MRC1: variants seen among roughly 807,000 people sequenced by gnomAD.
MRC1 encodes the protein mannose receptor C-type 1.
Under a neutral mutation model 102.9 loss-of-function variants are expected in MRC1, and 62 were observed. That is an observed-to-expected ratio of 0.60 (90% CI 0.49 to 0.74). The LOEUF is 0.74. Among genes scored for constraint, MRC1 ranks in the 30% least tolerant of loss-of-function variants. The probability of loss-of-function intolerance (pLI) is 0.00; values close to 1 mark genes in which losing one functional copy is unlikely to be tolerated. For synonymous variants in MRC1, 457 were observed against 298.4 expected (o/e 1.53, Z -5.48); for missense variants, 1,237 against 862.8 (o/e 1.43, Z -5.43).
intron 6 of MRC1, among the ~76,000 whole-genome samples, chr10:17,847,698 C>A (rs1838846203): frequency 6.6e-6 from 1 of 152,250 alleles, no homozygotes; most frequent in Non-Finnish European, 1.5e-5. Flanking sequence ...AGCACATGAG[C>A]TGTGGCTAGA....
At chr10:17,832,869 G>A (rs1266653068) in intron 3 of MRC1, among the ~76,000 whole-genome samples, 5 of 152,120 alleles carry the variant, frequency 3.3e-5, no homozygotes, top group South Asian at 4.1e-4. Context: ...GATTACAGGC[G>A]TGAGCCGCTG....
chr10:17,870,693 A>G (rs1833342799), intron 13 of MRC1, among the ~76,000 whole-genome samples, 155 bp from the exon 14 acceptor site: 1 of 152,206 alleles, frequency 6.6e-6, no homozygotes, highest in East Asian at 1.9e-4. Context: ...ATGCACATCT[A>G]TTGCATAAGT....
chr10:17,897,130 T>C (rs1833766176), intron 23 of MRC1, among the ~76,000 whole-genome samples: 2 of 152,242 alleles, frequency 1.3e-5, no homozygotes, highest in Admixed American at 6.5e-5. Flanking sequence ...TATTCTTCTT[T>C]GATTCTTCTC....
chr10:17,841,313 G>A (rs2130626602), intron 5 of MRC1, among the ~76,000 whole-genome samples: 1 of 152,262 alleles, frequency 6.6e-6, no homozygotes, highest in East Asian at 1.9e-4. Context: ...TTGCAATATT[G>A]CTGTCCTTGT....
chr10:17,901,664 G>A (rs1428718263), intron 25 of MRC1, among the ~76,000 whole-genome samples: 3 of 151,892 alleles, frequency 2.0e-5, no homozygotes, highest in Non-Finnish European at 4.4e-5. Flanking sequence ...ACTCCAGCCT[G>A]GGGGACAGGA....
chr10:17,875,339 G>C, intron 17 of MRC1, 86 bp downstream of exon 17: 1 of 754,500 alleles, frequency 1.3e-6, no homozygotes, highest in Non-Finnish European at 2.4e-6. Context: ...CTTTAGTGGT[G>C]ATTTCTGAGA....
intron 1 of MRC1, among the ~76,000 whole-genome samples, chr10:17,814,102 G>A (rs1480045809): frequency 6.6e-6 from 1 of 152,152 alleles, no homozygotes; most frequent in African/African-American, 2.4e-5. Flanking sequence ...TTCCCATAAA[G>A]CAGATGGGAA....
rs1177723033 is a variant in MRC1, at chr10:17,907,444, A to G, written c.3914-90A>G. ...ACTATTGATTCTAGTATAAAAGAAT[A>G]TGCTTAGAAATTTCACATAAATTGG... On this transcript the variant is annotated intron_variant, in intron 27 of 29. Coordinates refer to ENST00000569591, the MANE Select transcript of MRC1 (RefSeq NM_002438.4). 3 of 772,252 alleles carry G rather than the reference A, an allele frequency of 3.9e-6. No homozygotes were observed. The African/African-American group carries it at 5.1e-5, about 13-fold the overall frequency. 47.8% of individuals were successfully genotyped at this position (772,252 alleles called of 1,614,324 possible).
At chr10:17,906,279 A>C (rs892760717) in intron 26 of MRC1, among the ~76,000 whole-genome samples, 14 of 151,164 alleles carry the variant, frequency 9.3e-5, no homozygotes, top group Non-Finnish European at 1.6e-4. Context: ...GGTCTTCTGC[A>C]ACGAGACCTA....
At chr10:17,832,444 G>A (rs1435837328) in intron 3 of MRC1, among the ~76,000 whole-genome samples, 3 of 150,010 alleles carry the variant, frequency 2.0e-5, no homozygotes, top group Admixed American at 6.6e-5. Context: ...CGTCCCAGCT[G>A]CTGGGGAGGC....
chr10:17,839,896 T>TA (rs1195208626), intron 4 of MRC1, among the ~76,000 whole-genome samples: 2 of 147,252 alleles, frequency 1.4e-5, no homozygotes, highest in Non-Finnish European at 3.0e-5. Context: ...TCATCCCTCC[T>TA]AAAAATACAA....
intron 1 of MRC1, among the ~76,000 whole-genome samples, chr10:17,813,700 ATT>A (rs1168166887): frequency 0.076 from 9,490 of 125,384 alleles, 343 homozygotes; most frequent in South Asian, 0.11. Context: ...ATATATATAT[ATT>A]TTTTTTTTTT....
intron 6 of MRC1, among the ~76,000 whole-genome samples, chr10:17,848,117 A>G (rs947111299): frequency 4.7e-4 from 72 of 152,148 alleles, no homozygotes; most frequent in Non-Finnish European, 8.5e-4. Context: ...TCCACCTTTA[A>G]GGGAAGATAC....
intron 1 of MRC1, among the ~76,000 whole-genome samples, chr10:17,810,608 C>G (rs1286103907): frequency 5.9e-5 from 9 of 152,210 alleles, no homozygotes; most frequent in African/African-American, 4.8e-5. Flanking sequence ...GTTTCCATGT[C>G]TATAAAATGG....
intron 1 of MRC1, among the ~76,000 whole-genome samples, chr10:17,813,929 G>C (rs1188474719): frequency 1.3e-5 from 2 of 151,780 alleles, no homozygotes. Flanking sequence ...AAACTCCTAG[G>C]CTCAAGTGAT....
intron 21 of MRC1, 131 bp from the exon 22 acceptor site, chr10:17,885,138 G>A (rs920296721): frequency 7.3e-5 from 53 of 724,378 alleles, no homozygotes; most frequent in Admixed American, 3.7e-5. Context: ...TGTGTTCATG[G>A]TAGGTATTTT....
chr10:17,887,969 A>T (rs1833623836), intron 22 of MRC1, among the ~76,000 whole-genome samples: 1 of 151,670 alleles, frequency 6.6e-6, no homozygotes, highest in African/African-American at 2.4e-5. Context: ...CACCTGGCTA[A>T]TTTTTTTTGT....
Position 17,866,538 on chromosome 10 carries a change from T to C in MRC1, c.1784-24T>C, listed in dbSNP as rs936707590. ...CTTCAGCAGGCACCTGTCAAGTGAATTCTACTTCATATATTTAATGCAGGG... is the reference window on the plus strand; with the variant it reads ...CTTCAGCAGGCACCTGTCAAGTGAACTCTACTTCATATATTTAATGCAGGG... On this transcript the variant is annotated intron_variant, in intron 11 of 29. Transcript: ENST00000569591. The C allele has an allele frequency of 3.3e-5, 26 of 780,836 alleles. No individual in the cohort carries two copies. In the African/African-American group the frequency reaches 3.9e-4, roughly 12 times the overall value. 48.4% of individuals were successfully genotyped at this position (780,836 alleles called of 1,614,324 possible).
At chr10:17,841,740 A>AT (rs35422170) in intron 5 of MRC1, among the ~76,000 whole-genome samples, 6,685 of 126,700 alleles carry the variant, frequency 0.053, 428 homozygotes, top group African/African-American at 0.15. Flanking sequence ...CCCCAGTGCC[A>AT]TTTTTTTTTT....
Sources: allele counts gnomAD v4.1 joint callset (sites outside exome capture counted in the v4.1 genomes callset), GRCh38; gene constraint gnomAD v4.1.1; transcripts MANE v1.5; gene names NCBI Gene and HGNC (gene_info 2026-07-23, HGNC 2026-07-21).